Variants in DRAM1 observed in about 807,000 individuals in gnomAD.
The protein encoded by DRAM1 is DNA damage regulated autophagy modulator 1.
DRAM1 carries 25 observed loss-of-function variants against 28.5 expected under a neutral mutation model. The observed-to-expected ratio is 0.88, with a 90% CI of 0.64 to 1.23. The LOEUF (loss-of-function observed/expected upper bound fraction) is 1.23. Ranked by LOEUF, DRAM1 falls within the 50% of genes most tolerant of loss-of-function variation. The pLI is 0.00. For missense variants in DRAM1, 249 were observed against 299.2 expected, an observed-to-expected ratio of 0.83 and a Z score of 1.24; for synonymous variants, 113 against 114.2, an observed-to-expected ratio of 0.99 and a Z score of 0.07.
At chr12:101,903,926 TACACACACACAC>T (rs775764624) in intron 3 of DRAM1, among the ~76,000 whole-genome samples, 5 of 136,016 alleles carry the variant, frequency 3.7e-5, no homozygotes, top group African/African-American at 8.7e-5. Context: ...CACACACACA[TACACACACACAC>T]ACACACACAC....
intron 1 of DRAM1, among the ~76,000 whole-genome samples, chr12:101,894,182 A>G (rs1323404637): frequency 6.6e-6 from 1 of 152,130 alleles, no homozygotes. Context: ...CAATGGCATG[A>G]TCTCGGCTCA....
chr12:101,885,902 T>A (rs2121022177), intron 1 of DRAM1, among the ~76,000 whole-genome samples: 1 of 152,264 alleles, frequency 6.6e-6, no homozygotes, highest in African/African-American at 2.4e-5. Context: ...AAATATATGC[T>A]CCATGAGGAT....
At chr12:101,904,309 A>G (rs1322532582) in intron 3 of DRAM1, among the ~76,000 whole-genome samples, 1 of 151,416 alleles carries the variant, frequency 6.6e-6, no homozygotes, top group Non-Finnish European at 1.5e-5. Context: ...TTATTTGTCA[A>G]TTAAAAATAA....
chr12:101,906,021 C>A (rs531357886), intron 3 of DRAM1, among the ~76,000 whole-genome samples: 97 of 152,224 alleles, frequency 6.4e-4, no homozygotes, highest in African/African-American at 2.3e-3. Context: ...AAGTCCTGAC[C>A]TTGTAATCCA....
chr12:101,889,446 A>G (rs1171578960), intron 1 of DRAM1, among the ~76,000 whole-genome samples: 1 of 151,830 alleles, frequency 6.6e-6, no homozygotes, highest in Non-Finnish European at 1.5e-5. Context: ...CACTCAGACA[A>G]GAAAAGAGAC....
At chr12:101,904,463 A>G (rs1873726803) in intron 3 of DRAM1, among the ~76,000 whole-genome samples, 1 of 41,828 alleles carries the variant, frequency 2.4e-5, no homozygotes, top group Non-Finnish European at 4.0e-5. Flanking sequence ...TTTTTTTGAG[A>G]CAGAGTCTTG....
chr12:101,917,748 G>C (rs1051241169), intron 5 of DRAM1, among the ~76,000 whole-genome samples: 1 of 149,410 alleles, frequency 6.7e-6, no homozygotes, highest in Non-Finnish European at 1.5e-5. Context: ...GGTCAAATTC[G>C]TCAATAGGTT....
rs964538346 is a variant in DRAM1, at chr12:101,909,825, G to T, written c.520+1462G>T. Among the ~76,000 whole-genome samples, 6 of 152,096 alleles carry T rather than the reference G, an allele frequency of 3.9e-5. No homozygotes were observed. The East Asian group carries it at 5.8e-4, about 15-fold the overall frequency. On this transcript the variant is annotated intron_variant, in intron 4 of 6. Transcript: ENST00000258534. ...GTATTTAACAAAGAAAAAAAGCCGT[G>T]GTCTTAAAGAGTTGCAGAGTTCCCC...
intron 1 of DRAM1, among the ~76,000 whole-genome samples, chr12:101,882,133 T>G (rs1003930834): frequency 1.5e-5 from 2 of 133,942 alleles, no homozygotes; most frequent in African/African-American, 6.0e-5. Context: ...TTTTTTTTTT[T>G]TTTGAGACGG....
chr12:101,877,710 C>A lies in DRAM1; in HGVS notation c.-80C>A, dbSNP rs368288875. ...CCGTCCGTGAGTGTACGCGCCCGGCCGCCGCCTCCAGGCAGCCCGGAGCAA... is the reference window on the plus strand; with the variant it reads ...CCGTCCGTGAGTGTACGCGCCCGGCAGCCGCCTCCAGGCAGCCCGGAGCAA... On this transcript the variant is annotated 5_prime_UTR_variant, in exon 1 of 7. Coordinates refer to ENST00000258534, the MANE Select transcript of DRAM1 (RefSeq NM_018370.3). The surrounding 1 kb of genome is among the most constrained non-coding windows in gnomAD (Gnocchi z 4.1). The A allele has an allele frequency of 3.4e-6, 4 of 1,173,938 alleles. No individual in the cohort carries two copies. In the South Asian group the frequency reaches 1.3e-4, roughly 37 times the overall value. 72.7% of individuals were successfully genotyped at this position (1,173,938 alleles called of 1,614,324 possible).
rs746625555 is a variant in DRAM1 at position 101,914,236 on chromosome 12, A to G, written c.579+4A>G. On this transcript the variant is annotated splice_donor_region_variant and intron_variant, in intron 5 of 6. Transcript: ENST00000258534. ...GGAGTGGAATCCAAGAGAAAAGGTA[A>G]CATTTAAGTTGTTGTGAATGTGGTT... 1.2e-6 allele frequency: 2 copies of G among 1,605,842 alleles called. No homozygotes were observed. The highest frequency in any genetic ancestry group is 2.2e-5 in the East Asian group (1 of 44,596).
chr12:101,887,677 C>A (rs1477192462), intron 1 of DRAM1, among the ~76,000 whole-genome samples: 1 of 151,864 alleles, frequency 6.6e-6, no homozygotes, highest in Admixed American at 6.6e-5. Context: ...ACTACAGGCA[C>A]GTGCCACCAT....
At chr12:101,908,681 G>A (rs1873917363) in intron 4 of DRAM1, among the ~76,000 whole-genome samples, 1 of 150,032 alleles carries the variant, frequency 6.7e-6, no homozygotes, top group Middle Eastern at 3.4e-3. Context: ...AGGAGGAGGA[G>A]GAACCCAATC....
At chr12:101,886,788 G>T (rs966913389) in intron 1 of DRAM1, among the ~76,000 whole-genome samples, 1 of 152,128 alleles carries the variant, frequency 6.6e-6, no homozygotes, top group Admixed American at 6.6e-5. Context: ...GTAACTGTGT[G>T]ACTTAATGCA....
intron 5 of DRAM1, among the ~76,000 whole-genome samples, chr12:101,917,929 T>G: frequency 6.6e-6 from 1 of 152,180 alleles, no homozygotes; most frequent in Middle Eastern, 3.2e-3. Context: ...GGGGGAGACC[T>G]TCTATCACAA....
intron 1 of DRAM1, among the ~76,000 whole-genome samples, chr12:101,893,771 ATTT>A (rs57069274): frequency 7.0e-6 from 1 of 142,454 alleles, no homozygotes; most frequent in African/African-American, 2.5e-5. Context: ...GATTAGGTCA[ATTT>A]TTTTTTTTTT....
At chr12:101,905,877 C>T (rs2121117279) in intron 3 of DRAM1, among the ~76,000 whole-genome samples, 1 of 152,236 alleles carries the variant, frequency 6.6e-6, no homozygotes, top group Admixed American at 6.5e-5. Flanking sequence ...GCAGTCTCCA[C>T]CTCCTGGGGT....
intron 1 of DRAM1, among the ~76,000 whole-genome samples, chr12:101,881,838 A>C (rs1156258763): frequency 6.6e-6 from 1 of 152,182 alleles, no homozygotes; most frequent in Non-Finnish European, 1.5e-5. Context: ...TCACCTTCTA[A>C]CAAATCATGT....
intron 5 of DRAM1, 32 bp downstream of exon 5, chr12:101,914,264 C>A: frequency 6.4e-7 from 1 of 1,572,306 alleles, no homozygotes; most frequent in Non-Finnish European, 8.7e-7. Context: ...ATGTGGTTGT[C>A]GGACGTGGTT....
Sources: allele counts gnomAD v4.1 joint callset (sites outside exome capture counted in the v4.1 genomes callset), GRCh38; gene constraint gnomAD v4.1.1; non-coding constraint Gnocchi (gnomAD v3.1); transcripts MANE v1.5; gene names NCBI Gene and HGNC (gene_info 2026-07-23, HGNC 2026-07-21).